Variants in FAM47E observed in about 807,000 individuals in gnomAD.
FAM47E encodes the protein family with sequence similarity 47 member E.
In FAM47E, 32 loss-of-function variants were observed where a neutral mutation model predicts 41.6. The observed-to-expected ratio is 0.77, with a 90% CI of 0.58 to 1.03. The LOEUF (loss-of-function observed/expected upper bound fraction) is 1.03, where lower values mean the gene tolerates loss of function less well. Ranked by LOEUF, FAM47E falls within the 50% of genes least tolerant of loss-of-function variation. The probability of loss-of-function intolerance (pLI) is 0.00; values close to 1 mark genes in which losing one functional copy is unlikely to be tolerated. For missense variants in FAM47E, 424 were observed against 485.4 expected, an observed-to-expected ratio of 0.87 and a Z score of 1.19; for synonymous variants, 184 against 188.7, an observed-to-expected ratio of 0.98 and a Z score of 0.20.
intron 4 of FAM47E, chr4:76,269,003 A>G (rs1160909957): frequency 4.0e-6 from 2 of 505,640 alleles, no homozygotes; most frequent in African/African-American, 4.0e-5. Flanking sequence ...CTTGCTGCTA[A>G]TTTGAATGTT....
At chr4:76,280,584 G>A in intron 7 of FAM47E, 2 of 371,126 alleles carry the variant, frequency 5.4e-6, no homozygotes. Context: ...ATTTCCCTGT[G>A]ATCTTTGACT....
chr4:76,273,027 T>C (rs927174958), intron 5 of FAM47E, among the ~76,000 whole-genome samples: 8 of 152,218 alleles, frequency 5.3e-5, no homozygotes, highest in African/African-American at 1.9e-4. Context: ...AGTAGTCGCC[T>C]GTTATCTGTT....
At chr4:76,266,372 A>G (rs1043954699) in intron 3 of FAM47E, among the ~76,000 whole-genome samples, 5 of 152,176 alleles carry the variant, frequency 3.3e-5, no homozygotes, top group African/African-American at 1.2e-4. Context: ...TCTCCCCCGA[A>G]CTTATTCCTC....
In FAM47E at chr4:76,218,031, T is replaced by A. The variant is rs568168565; in HGVS notation, c.81+343T>A. ...GTGTTAATGTGTTAAATATAAACAT[T>A]TAAAATACACCACAGGCCGGGCCAG... is the stretch of plus-strand genomic sequence containing the variant. On this transcript the variant is annotated intron_variant, in intron 2 of 7. Coordinates refer to the FAM47E transcript ENST00000510197. Among the ~76,000 whole-genome samples, 4 of 152,362 alleles carry A rather than the reference T, an allele frequency of 2.6e-5. No homozygotes were observed. In the East Asian group the frequency reaches 7.7e-4, roughly 29 times the overall value.
At chr4:76,279,968 A>T (rs996346658) in intron 6 of FAM47E, 22 of 239,578 alleles carry the variant, frequency 9.2e-5, no homozygotes, top group Non-Finnish European at 1.4e-4. Flanking sequence ...CATACTGTTA[A>T]TCTTAACTAG....
At chr4:76,227,795 T>C (rs886849136) in intron 2 of FAM47E, among the ~76,000 whole-genome samples, 2 of 152,234 alleles carry the variant, frequency 1.3e-5, no homozygotes, top group African/African-American at 4.8e-5. Context: ...CTCTTTGTCT[T>C]TTCTAACTGT....
chr4:76,249,752 C>A (rs1578768740), upstream of FAM47E, among the ~76,000 whole-genome samples: 1 of 151,974 alleles, frequency 6.6e-6, no homozygotes. Flanking sequence ...CTTTGCATCC[C>A]CATAGCTTAG....
Position 76,227,588 on chromosome 4 carries a change from C to T in FAM47E, c.81+9900C>T, listed in dbSNP as rs192114102. ...AGTCCATTGTTTCTTTGTTGACTTT[C>T]TGTCTTGATGATCTGTCTAATGCAG... On this transcript the variant is annotated intron_variant, in intron 2 of 7. Transcript: ENST00000510197. Among the ~76,000 whole-genome samples, 58 of 152,220 alleles carry T rather than the reference C, an allele frequency of 3.8e-4. No homozygotes were observed. The East Asian group carries it at 0.01, about 27-fold the overall frequency.
chr4:76,228,794 T>A (rs11561677), intron 2 of FAM47E, among the ~76,000 whole-genome samples: 22,700 of 152,090 alleles, frequency 0.15, 1,991 homozygotes, highest in East Asian at 0.35. Context: ...CTTTCCTTCA[T>A]CTTGATGTTA....
intron 4 of FAM47E, chr4:76,269,339 G>C (rs1293164885): frequency 6.6e-6 from 1 of 152,050 alleles, no homozygotes; most frequent in South Asian, 2.1e-4. Context: ...AAATTAGGCC[G>C]GGTGCAGTGG....
At chr4:76,244,082 T>A (rs1733768230) in intron 2 of FAM47E, among the ~76,000 whole-genome samples, 1 of 152,254 alleles carries the variant, frequency 6.6e-6, no homozygotes, top group Non-Finnish European at 1.5e-5. Context: ...TCATCCTTTT[T>A]TATGGCTGCA....
chr4:76,221,640 G>A (rs977154109), intron 2 of FAM47E, among the ~76,000 whole-genome samples: 4 of 152,054 alleles, frequency 2.6e-5, no homozygotes, highest in East Asian at 3.9e-4. Context: ...TATTTCAAGC[G>A]AACTACTGCA....
chr4:76,269,073 A>C (rs1734772374), intron 4 of FAM47E: 1 of 315,508 alleles, frequency 3.2e-6, no homozygotes, highest in East Asian at 6.4e-5. Flanking sequence ...TTTTATTGTT[A>C]GGACTTTCTT....
At chr4:76,244,011 T>C (rs186255891) in intron 2 of FAM47E, among the ~76,000 whole-genome samples, 22 of 152,336 alleles carry the variant, frequency 1.4e-4, no homozygotes, top group African/African-American at 3.6e-4. Flanking sequence ...TCTGTTCTTG[T>C]GATAGTTTGC....
chr4:76,270,570 G>C (rs929886790), intron 4 of FAM47E, among the ~76,000 whole-genome samples: 7 of 152,142 alleles, frequency 4.6e-5, no homozygotes, highest in Admixed American at 2.0e-4. Context: ...TCCATAATCT[G>C]TTCAGATTGG....
At chr4:76,282,016 G>C (rs1460306610) in intron 7 of FAM47E, 1 of 151,340 alleles carries the variant, frequency 6.6e-6, no homozygotes, top group Non-Finnish European at 1.5e-5. Context: ...GGTCACATGG[G>C]GATGAAGTAA....
At chr4:76,223,100 A>T (rs1480251092) in intron 2 of FAM47E, among the ~76,000 whole-genome samples, 1 of 152,218 alleles carries the variant, frequency 6.6e-6, no homozygotes, top group Admixed American at 6.5e-5. Context: ...CTGGTAGCAG[A>T]TGTCAACCTC....
intron 2 of FAM47E, among the ~76,000 whole-genome samples, chr4:76,225,740 C>T (rs2109982594): frequency 6.6e-6 from 1 of 152,332 alleles, no homozygotes; most frequent in Admixed American, 6.5e-5. Flanking sequence ...ATGAAACTCA[C>T]TTGATCATGG....
rs149266945 is a variant in FAM47E, at chr4:76,216,046, A to G, written c.-29-1533A>G. Among the ~76,000 whole-genome samples the G allele has an allele frequency of 3.0e-4, 45 of 152,292 alleles. 1 individual carries two copies. The highest frequency in any genetic ancestry group is 1.0e-3 in the African/African-American group (42 of 41,552). On this transcript the variant is annotated intron_variant, in intron 1 of 7. Coordinates refer to the FAM47E transcript ENST00000510197. ...CCCCAGAGGACCAGTCCTGTGTTCA[A>G]ATAGAACCTGGTGGGGTCCTGAATG...
Sources: allele counts gnomAD v4.1 joint callset (sites outside exome capture counted in the v4.1 genomes callset), GRCh38; gene constraint gnomAD v4.1.1; transcripts MANE v1.5; gene names NCBI Gene and HGNC (gene_info 2026-07-23, HGNC 2026-07-21).